Variants in ZNF385D observed in about 807,000 individuals in gnomAD.
ZNF385D encodes zinc finger protein 385D.
Under a neutral mutation model 35.8 loss-of-function variants are expected in ZNF385D, and 15 were observed. That is an observed-to-expected ratio of 0.42 (90% CI 0.28 to 0.64). The LOEUF (loss-of-function observed/expected upper bound fraction) is 0.64. Ranked by LOEUF, ZNF385D falls within the 30% of genes least tolerant of loss-of-function variation. The probability of loss-of-function intolerance (pLI) is 0.23; values close to 1 mark genes in which losing one functional copy is unlikely to be tolerated. For missense variants in ZNF385D, 474 were observed against 494.6 expected, an observed-to-expected ratio of 0.96 and a Z score of 0.39; for synonymous variants, 212 against 186.8, an observed-to-expected ratio of 1.13 and a Z score of -1.10.
intron 2 of ZNF385D, among the ~76,000 whole-genome samples, chr3:22,231,825 A>G (rs1486599342): frequency 6.6e-6 from 1 of 152,096 alleles, no homozygotes; most frequent in Non-Finnish European, 1.5e-5. Flanking sequence ...TCATAGGGGT[A>G]GATCCTTTTT....
intron 3 of ZNF385D, among the ~76,000 whole-genome samples, chr3:22,083,078 CCAT>C (rs1207142058): frequency 6.6e-6 from 1 of 152,186 alleles, no homozygotes; most frequent in African/African-American, 2.4e-5. Context: ...CTGTAGGTCA[CCAT>C]CATCAAAGAC....
chr3:22,063,462 A>T (rs1363021855), intron 3 of ZNF385D, among the ~76,000 whole-genome samples: 3 of 152,236 alleles, frequency 2.0e-5, no homozygotes, highest in Non-Finnish European at 4.4e-5. Context: ...TATTTAGAAT[A>T]TTCAATAGAT....
At chr3:21,961,047 G>A (rs575510787) in intron 3 of ZNF385D, among the ~76,000 whole-genome samples, 1 of 152,148 alleles carries the variant, frequency 6.6e-6, no homozygotes, top group African/African-American at 2.4e-5. Flanking sequence ...TGTACATTTT[G>A]AAACAGCTAC....
At chr3:22,254,776 C>T (rs1700229757) in intron 2 of ZNF385D, among the ~76,000 whole-genome samples, 1 of 151,778 alleles carries the variant, frequency 6.6e-6, no homozygotes, top group Non-Finnish European at 1.5e-5. Context: ...CCTTATTTTA[C>T]TTAGTAAGGG....
intron 2 of ZNF385D, among the ~76,000 whole-genome samples, chr3:22,344,018 C>T (rs73041306): frequency 0.03 from 4,563 of 152,254 alleles, 90 homozygotes; most frequent in East Asian, 0.082. Context: ...ACTCAACTCT[C>T]TTCCTTCATG....
intron 3 of ZNF385D, among the ~76,000 whole-genome samples, chr3:22,037,054 T>A (rs1170432791): frequency 6.6e-6 from 1 of 152,118 alleles, no homozygotes; most frequent in Non-Finnish European, 1.5e-5. Flanking sequence ...TCATTTTTTA[T>A]GGCTGCATAG....
At chr3:21,772,007 G>T (rs2071096613) in intron 3 of ZNF385D, among the ~76,000 whole-genome samples, 1 of 151,818 alleles carries the variant, frequency 6.6e-6, no homozygotes, top group African/African-American at 2.4e-5. Flanking sequence ...AAACAGTTCT[G>T]GGAAAACTGG....
intron 3 of ZNF385D, among the ~76,000 whole-genome samples, chr3:22,153,494 C>G (rs888622963): frequency 2.2e-5 from 3 of 134,908 alleles, no homozygotes; most frequent in Non-Finnish European, 3.1e-5. Context: ...GAGACAGAGT[C>G]TCTCTGTCAC....
intron 3 of ZNF385D, among the ~76,000 whole-genome samples, chr3:22,109,662 T>C (rs1702406789): frequency 6.6e-6 from 1 of 152,156 alleles, no homozygotes; most frequent in African/African-American, 2.4e-5. Context: ...ACTTGCTTTA[T>C]GAATCTGGGT....
chr3:21,890,304 T>C (rs948510034), intron 3 of ZNF385D, among the ~76,000 whole-genome samples: 18 of 152,108 alleles, frequency 1.2e-4, no homozygotes, highest in Non-Finnish European at 4.4e-5. Context: ...GAAAGAATGA[T>C]GGTAGACTCA....
chr3:22,104,541 T>G (rs1053506020), intron 3 of ZNF385D, among the ~76,000 whole-genome samples: 1 of 152,150 alleles, frequency 6.6e-6, no homozygotes, highest in Non-Finnish European at 1.5e-5. Context: ...GGCAGACATT[T>G]TTTTTTGCCG....
At chr3:22,290,565 G>C (rs918996757) in intron 2 of ZNF385D, among the ~76,000 whole-genome samples, 1 of 152,122 alleles carries the variant, frequency 6.6e-6, no homozygotes, top group Admixed American at 6.5e-5. Flanking sequence ...CAGTGGCATT[G>C]TGCAGTATCC....
intron 3 of ZNF385D, among the ~76,000 whole-genome samples, chr3:21,557,199 A>G (rs541888841): frequency 5.3e-5 from 8 of 152,118 alleles, no homozygotes; most frequent in Middle Eastern, 3.2e-3. Context: ...TTCCGATGCT[A>G]TGTTGAATAG....
At chr3:22,303,111 C>T (rs1702996354) in intron 2 of ZNF385D, among the ~76,000 whole-genome samples, 1 of 152,140 alleles carries the variant, frequency 6.6e-6, no homozygotes, top group South Asian at 2.1e-4. Context: ...CTGCCATTTT[C>T]CATCCAATCT....
intron 1 of ZNF385D, among the ~76,000 whole-genome samples, chr3:21,711,233 G>A (rs946114654): frequency 7.3e-5 from 11 of 151,616 alleles, no homozygotes; most frequent in Admixed American, 3.3e-4. Flanking sequence ...AGTAGAGTCA[G>A]GGTTTCACCG....
intron 3 of ZNF385D, among the ~76,000 whole-genome samples, chr3:22,009,989 G>T (rs1305932611): frequency 6.6e-6 from 1 of 151,852 alleles, no homozygotes; most frequent in African/African-American, 2.4e-5. Flanking sequence ...CATAAAAAGG[G>T]CATAAAGGAA....
intron 2 of ZNF385D, among the ~76,000 whole-genome samples, chr3:22,336,921 A>AAAAAAAAAAC (rs1695189983): frequency 6.9e-6 from 1 of 144,886 alleles, no homozygotes; most frequent in Admixed American, 6.9e-5. Context: ...AAAAAAAAAA[A>AAAAAAAAAAC]AAAAAAAAAA....
chr3:21,654,392 A>G (rs1382116518), intron 2 of ZNF385D, among the ~76,000 whole-genome samples: 2 of 152,138 alleles, frequency 1.3e-5, no homozygotes, highest in Non-Finnish European at 2.9e-5. Context: ...TATGAGCTTC[A>G]GAGAGAACCA....
At chr3:21,667,861 AC>A (rs1451425785) in intron 1 of ZNF385D, among the ~76,000 whole-genome samples, 1 of 152,158 alleles carries the variant, frequency 6.6e-6, no homozygotes, top group Non-Finnish European at 1.5e-5. Context: ...TTTCATTTAT[AC>A]TTGTATAAAC....
Sources: allele counts gnomAD v4.1 joint callset (sites outside exome capture counted in the v4.1 genomes callset), GRCh38; gene constraint gnomAD v4.1.1; transcripts MANE v1.5; gene names NCBI Gene and HGNC (gene_info 2026-07-23, HGNC 2026-07-21).